DCAF8L2: variants seen among roughly 807,000 people sequenced by gnomAD.
DCAF8L2 encodes DDB1- and CUL4-associated factor 8-like protein 2.
For synonymous variants in DCAF8L2, 200 were observed against 190.9 expected (o/e 1.05, Z -0.39); for missense variants, 430 against 490.7 (o/e 0.88, Z 1.17).
At chrX:27,489,514 T>C in the DCAF8L2 span, among the ~76,000 whole-genome samples, 10 of 112,857 alleles carry the variant, frequency 8.9e-5, no homozygotes, top group Non-Finnish European at 1.9e-4. Flanking sequence ...CACAGAATTA[T>C]ATTCCACTGT....
At chrX:27,606,996 A>C (rs1389588234) in intron 1 of DCAF8L2, among the ~76,000 whole-genome samples, 1 of 111,399 alleles carries the variant, frequency 9.0e-6, no homozygotes, top group Non-Finnish European at 1.9e-5. Context: ...ATATATTAGA[A>C]ACATCAAATT....
chrX:27,609,062 C>T (rs750035570), intron 1 of DCAF8L2, among the ~76,000 whole-genome samples: 1 of 111,639 alleles, frequency 9.0e-6, no homozygotes, highest in Admixed American at 9.6e-5. Flanking sequence ...ATACTGGAGA[C>T]TTAACATGTA....
the DCAF8L2 span, among the ~76,000 whole-genome samples, chrX:27,569,509 CTT>C: frequency 1.8e-5 from 2 of 111,998 alleles, no homozygotes; most frequent in East Asian, 5.6e-4. Flanking sequence ...TCTTCATTGA[CTT>C]TATTATTGAT....
intron 2 of DCAF8L2, among the ~76,000 whole-genome samples, chrX:27,643,904 C>G (rs752311934): frequency 8.9e-6 from 1 of 111,838 alleles, no homozygotes; most frequent in East Asian, 2.8e-4. Flanking sequence ...TGTTCCAAAA[C>G]TATATTTCCT....
chrX:27,665,845 C>T (rs35674353), intron 2 of DCAF8L2, among the ~76,000 whole-genome samples: 1,592 of 111,598 alleles, frequency 0.014, 24 homozygotes, highest in Non-Finnish European at 0.022. Context: ...AAGGTATGTA[C>T]ATTTTTTAGA....
intron 1 of DCAF8L2, among the ~76,000 whole-genome samples, chrX:27,602,034 A>C (rs1471750377): frequency 8.9e-6 from 1 of 111,800 alleles, no homozygotes; most frequent in East Asian, 2.8e-4. Context: ...ACCAGAAGAG[A>C]AAAAGATATG....
chrX:27,510,583 A>G, the DCAF8L2 span, among the ~76,000 whole-genome samples: 1 of 108,450 alleles, frequency 9.2e-6, no homozygotes, highest in Non-Finnish European at 1.9e-5. Flanking sequence ...ATGTAGCCAA[A>G]TTTCTTTTTT....
chrX:27,601,339 C>T (rs1926632452), intron 1 of DCAF8L2, among the ~76,000 whole-genome samples: 1 of 112,161 alleles, frequency 8.9e-6, no homozygotes, highest in African/African-American at 3.2e-5. Context: ...TATGTAGGAA[C>T]GATATTATTT....
At chrX:27,510,903 G>A in the DCAF8L2 span, among the ~76,000 whole-genome samples, 11 of 111,558 alleles carry the variant, frequency 9.9e-5, no homozygotes, top group South Asian at 1.8e-3. Flanking sequence ...AAGAGTACTA[G>A]CTCTTTCAGT....
At chrX:27,494,341 G>A in the DCAF8L2 span, among the ~76,000 whole-genome samples, 3 of 111,431 alleles carry the variant, frequency 2.7e-5, no homozygotes, top group Non-Finnish European at 5.6e-5. Flanking sequence ...GAGAGGCAGA[G>A]GTTGCGGTGA....
At chrX:27,586,666 G>A (rs1160227111), upstream of DCAF8L2, among the ~76,000 whole-genome samples, 3 of 110,874 alleles carry the variant, frequency 2.7e-5, no homozygotes, top group Non-Finnish European at 5.7e-5. Flanking sequence ...GTTCTTTGAA[G>A]GTGAGGAGTG....
At chrX:27,653,394 C>A (rs752897341) in intron 2 of DCAF8L2, among the ~76,000 whole-genome samples, 1 of 111,396 alleles carries the variant, frequency 9.0e-6, no homozygotes, top group African/African-American at 3.3e-5. Context: ...AGATCTAGTT[C>A]ATTGGTTCCA....
At chrX:27,581,892 T>A in the DCAF8L2 span, among the ~76,000 whole-genome samples, 1 of 112,469 alleles carries the variant, frequency 8.9e-6, no homozygotes, top group African/African-American at 3.2e-5. Context: ...CTGGATTTAA[T>A]ACACTTTTAA....
intron 1 of DCAF8L2, among the ~76,000 whole-genome samples, chrX:27,618,794 GA>G (rs764621802): frequency 9.0e-6 from 1 of 111,307 alleles, no homozygotes; most frequent in East Asian, 2.8e-4. Flanking sequence ...AATACTAGTG[GA>G]AAAGTGAGAG....
upstream of DCAF8L2, among the ~76,000 whole-genome samples, chrX:27,585,676 G>C (rs1162135457): frequency 8.9e-6 from 1 of 111,861 alleles, no homozygotes; most frequent in East Asian, 2.8e-4. Context: ...CTCCTTCTCT[G>C]CCAAATCTAG....
chrX:27,534,976 T>C, the DCAF8L2 span, among the ~76,000 whole-genome samples: 1 of 112,033 alleles, frequency 8.9e-6, no homozygotes, highest in South Asian at 3.7e-4. Context: ...CTATACTTAT[T>C]GATTACATCA....
chrX:27,537,838 A>C, the DCAF8L2 span, among the ~76,000 whole-genome samples: 4 of 112,051 alleles, frequency 3.6e-5, no homozygotes, highest in Non-Finnish European at 7.5e-5. Context: ...TGAGGTATGG[A>C]TAAGCTTGGC....
At chrX:27,603,934 C>A (rs764652842) in intron 1 of DCAF8L2, among the ~76,000 whole-genome samples, 1 of 111,664 alleles carries the variant, frequency 9.0e-6, no homozygotes, top group Non-Finnish European at 1.9e-5. Context: ...TAGCTATTGG[C>A]ACTCATATCT....
At chrX:27,702,393 G>T (rs1341154287) in intron 3 of DCAF8L2, among the ~76,000 whole-genome samples, 2 of 72,253 alleles carry the variant, frequency 2.8e-5, no homozygotes, top group Non-Finnish European at 2.6e-5. Context: ...ACCAGACAAA[G>T]ATACCAACAA....
Sources: allele counts gnomAD v4.1 joint callset (sites outside exome capture counted in the v4.1 genomes callset), GRCh38; gene constraint gnomAD v4.1.1; transcripts MANE v1.5; gene names NCBI Gene and HGNC (gene_info 2026-07-23, HGNC 2026-07-21).